Variants in BRWD1 observed in about 807,000 individuals in gnomAD.
BRWD1 encodes the protein bromodomain and WD repeat domain containing 1.
In BRWD1, 82 loss-of-function variants were observed where a neutral mutation model predicts 251.2. The ratio of observed to expected loss-of-function variants is 0.33; its 90% CI spans 0.27 to 0.39. BRWD1 has a LOEUF of 0.39. Ranked by LOEUF, BRWD1 falls within the 10% of genes least tolerant of loss-of-function variation. BRWD1 has a pLI of 1.00. For missense variants in BRWD1, 2,233 were observed against 2,711.6 expected (o/e 0.82, Z 3.92); for synonymous variants, 918 against 902.8 (o/e 1.02, Z -0.30).
rs770547618 is a variant in BRWD1, at chr21:39,274,460, A to G, written c.1158T>C (p.Gly386=). The change falls in exon 13 of 41, where the codon GGT becomes GGC. Residue 386 remains glycine (G), a synonymous_variant. Coordinates refer to ENST00000342449, the MANE Select transcript of BRWD1 (RefSeq NM_033656.4). ...FCNNGDRFLS[G]SRDGTARIWR... ...AAATCCGTGCTGTTCCATCTCTGCT[A>G]CCACTTAGGAACCTTAAAACATTCA... 8 of 1,613,486 alleles carry G rather than the reference A, an allele frequency of 5.0e-6. No homozygotes were observed. The Admixed American group carries it at 1.3e-4, about 27-fold the overall frequency.
chr21:39,278,724 A>T lies in BRWD1; in HGVS notation c.1003+19T>A. ...TTTAAAAAAAAAAAACTAAGAAAAA[A>T]ATGTGAAGAAGTTCTTACCAACACT... is the stretch of plus-strand genomic sequence containing the variant. On this transcript the variant is annotated intron_variant, in intron 10 of 40. Transcript: ENST00000342449. 1 of 1,554,558 alleles carries T rather than the reference A, an allele frequency of 6.4e-7. No individual in the cohort carries two copies.
chr21:39,303,060 A>G (rs2036170614), intron 4 of BRWD1, among the ~76,000 whole-genome samples: 1 of 152,206 alleles, frequency 6.6e-6, no homozygotes. Context: ...GTCTCAAAAA[A>G]AAAGATTACT....
intron 8 of BRWD1, among the ~76,000 whole-genome samples, chr21:39,280,645 A>T (rs999991316): frequency 2.0e-5 from 3 of 152,210 alleles, no homozygotes; most frequent in Admixed American, 2.0e-4. Flanking sequence ...AAAAACTGGA[A>T]GGAAAAATGG....
chr21:39,292,516 C>A (rs1450122428), intron 8 of BRWD1, among the ~76,000 whole-genome samples: 1 of 152,094 alleles, frequency 6.6e-6, no homozygotes, highest in East Asian at 1.9e-4. Context: ...ATACCCTCGC[C>A]CCAGACGTTT....
chr21:39,270,340 A>G lies in BRWD1; in HGVS notation c.1338T>C (p.Asn446=). ...QNDSIVVTAV[N]DHVLKVWNSY... ...AATTCCACACTTTGAGGACATGATC[A>G]TTCACAGCTGTGACAACAATGCTAT... Residue 446 remains asparagine, a synonymous_variant, in exon 14 of 41, where the codon AAT becomes AAC. Coordinates refer to ENST00000342449, the MANE Select transcript of BRWD1 (RefSeq NM_033656.4). 6.2e-6 allele frequency: 10 copies of G among 1,612,648 alleles called. No individual in the cohort carries two copies. Among genetic ancestry groups the G allele is most frequent in the Non-Finnish European group, 8.5e-6 (10 of 1,179,364 alleles).
chr21:39,202,528 C>T lies in BRWD1; in HGVS notation c.4382G>A (p.Arg1461Lys), dbSNP rs2032162565. The T allele has an allele frequency of 6.2e-7, 1 of 1,609,816 alleles. No individual in the cohort carries two copies. Among genetic ancestry groups the T allele is most frequent in the Non-Finnish European group, 8.5e-7 (1 of 1,176,394 alleles). ...NKSIRNLKPK[R>K]LKSQTKIIPE... ...AATTATTTTTGTCTGAGATTTTAAC[C>T]TCTTCGGCTTGAGGTTTCTGGCCAA... is the stretch of plus-strand genomic sequence containing the variant. Residue 1461 changes from arginine (R) to lysine (K), a missense_variant, in exon 38 of 41, where the codon AGG becomes AAG. This residue lies in a region of BRWD1 where 928 missense variants were observed against 970.0 expected (regional missense o/e 0.96). Transcript: ENST00000342449.
At chr21:39,308,877 A>G (rs922967415) in intron 4 of BRWD1, among the ~76,000 whole-genome samples, 7 of 152,208 alleles carry the variant, frequency 4.6e-5, no homozygotes, top group African/African-American at 1.7e-4. Context: ...AAAGAGATTT[A>G]AGATAATCAG....
intron 20 of BRWD1, among the ~76,000 whole-genome samples, chr21:39,248,666 A>C (rs78662790): frequency 0.075 from 9,112 of 122,056 alleles, 988 homozygotes; most frequent in East Asian, 0.12. Context: ...AAAAAAAAAA[A>C]AAAAAAAAAA....
intron 35 of BRWD1, 115 bp from the exon 36 acceptor site, chr21:39,210,262 C>T (rs1414916170): frequency 2.6e-5 from 21 of 806,080 alleles, no homozygotes; most frequent in Non-Finnish European, 3.8e-5. Flanking sequence ...GGTTAGAGGA[C>T]TCTTAAAATT....
rs568715397 is a variant in BRWD1, at chr21:39,185,557, G to C, written c.*10702C>G. The C allele has an allele frequency of 6.6e-6, 1 of 151,964 alleles. No individual in the cohort carries two copies. The highest frequency in any genetic ancestry group is 1.5e-5 in the Non-Finnish European group (1 of 67,946). 9.4% of individuals were successfully genotyped at this position (151,964 alleles called of 1,614,324 possible). ...CAACATATTGGGGATCAGTAATTTA[G>C]ATGAAAGTATACTACAAAAGGAGCA... On this transcript the variant is annotated 3_prime_UTR_variant, in exon 41 of 41. Transcript: ENST00000342449.
rs539787155 is a variant in BRWD1, at chr21:39,213,454, C to T, written c.3858+27G>A. 23 of 1,582,404 alleles carry T rather than the reference C, an allele frequency of 1.5e-5. No individual in the cohort carries two copies. The Admixed American group carries it at 2.7e-4, about 19-fold the overall frequency. On this transcript the variant is annotated intron_variant, in intron 33 of 40. Coordinates refer to ENST00000342449, the MANE Select transcript of BRWD1 (RefSeq NM_033656.4). ...AAATACCATTTGAAATTAACAAAAA[C>T]CATTATAAAATCAACAAACTTCATA...
rs61739948 is a variant in BRWD1 at position 39,264,963 on chromosome 21, C to T, written c.1587G>A (p.Gln529=). 6.1e-3 allele frequency: 9,818 copies of T among 1,613,844 alleles called. 56 individuals carry two copies. Among genetic ancestry groups the T allele is most frequent in the East Asian group, 0.013 (565 of 44,858 alleles). ...CATGAGAATCTGTACAGGCAAAATG[C>T]TGTCCATCCTGTGAAAACTTACAGT... The part of the protein sequence containing the change: ...VFDCKFSQDG[Q]HFACTDSHGH... The change falls in exon 16 of 41, where the codon CAG becomes CAA. Residue 529 remains glutamine (Q), a synonymous_variant. Transcript: ENST00000342449.
chr21:39,284,993 A>G (rs12710454), intron 8 of BRWD1, among the ~76,000 whole-genome samples: 38,931 of 152,142 alleles, frequency 0.26, 6,026 homozygotes, highest in Non-Finnish European at 0.36. Context: ...AGGGAAATGA[A>G]ATCAGTATAT....
intron 17 of BRWD1, among the ~76,000 whole-genome samples, chr21:39,259,480 A>C (rs2034671080): frequency 6.7e-6 from 1 of 149,374 alleles, no homozygotes; most frequent in Admixed American, 6.7e-5. Flanking sequence ...CTTTTTTTTC[A>C]GTAGAGACAG....
intron 4 of BRWD1, among the ~76,000 whole-genome samples, chr21:39,307,230 C>A (rs2036315887): frequency 1.3e-5 from 2 of 152,216 alleles, no homozygotes; most frequent in South Asian, 2.1e-4. Flanking sequence ...TTTTTCACTA[C>A]ACTTAGAAGC....
upstream of BRWD1, chr21:39,314,366 G>C (rs1489418474): frequency 4.4e-6 from 2 of 455,474 alleles, no homozygotes; most frequent in Non-Finnish European, 4.4e-6. Flanking sequence ...GTGCGAGTCG[G>C]GGGAGCAGCG....
intron 1 of BRWD1, 63 bp downstream of exon 1, chr21:39,313,380 G>GAGCCGGGGA: frequency 6.7e-7 from 1 of 1,484,012 alleles, no homozygotes; most frequent in Non-Finnish European, 9.0e-7. Context: ...GGAGCCCGGG[G>GAGCCGGGGA]AGCCGGGGAA....
intron 37 of BRWD1, among the ~76,000 whole-genome samples, chr21:39,205,103 GC>G (rs2032323945): frequency 6.6e-6 from 1 of 152,076 alleles, no homozygotes; most frequent in Non-Finnish European, 1.5e-5. Context: ...ATGCTTTCAA[GC>G]TATAAAACCC....
At chr21:39,295,680 T>C (rs112618298) in intron 7 of BRWD1, 63 bp downstream of exon 7, 9 of 1,268,752 alleles carry the variant, frequency 7.1e-6, no homozygotes, top group African/African-American at 3.0e-5. Context: ...ATTTCCTAGA[T>C]GATTCTGAAG....
Sources: gnomAD v4.1 joint callset for allele counts (sites outside exome capture counted in the v4.1 genomes callset) on GRCh38, gnomAD v4.1.1 for gene constraint, gnomAD v4.1.1 regional missense constraint, MANE v1.5 for transcripts, NCBI Gene and HGNC (gene_info 2026-07-23, HGNC 2026-07-21) for gene names.